Variants in TES observed in about 807,000 individuals in gnomAD.
TES encodes the protein testin.
A neutral mutation model predicts 48.2 loss-of-function variants in TES; 41 were observed. The observed-to-expected ratio is 0.85, with a 90% confidence interval of 0.66 to 1.10. The LOEUF is 1.10. TES is among the 50% of genes least tolerant of loss of function. The probability of loss-of-function intolerance (pLI) is 0.00; values close to 1 mark genes in which losing one functional copy is unlikely to be tolerated. For synonymous variants in TES, 162 were observed against 174.9 expected (o/e 0.93, Z 0.58); for missense variants, 463 against 515.1 (o/e 0.90, Z 0.98).
intron 1 of TES, among the ~76,000 whole-genome samples, chr7:116,212,406 G>T (rs191094043): frequency 6.6e-6 from 1 of 152,150 alleles, no homozygotes; most frequent in Non-Finnish European, 1.5e-5. Context: ...GTATGTTGGG[G>T]ATAATGATGT....
At chr7:116,255,029 C>A (rs1461178080) in intron 6 of TES, 1 of 150,208 alleles carries the variant, frequency 6.7e-6, no homozygotes, top group Non-Finnish European at 1.5e-5. Context: ...TATTTTTAGA[C>A]CTGAAATCAA....
chr7:116,221,522 A>T (rs1323739817), intron 1 of TES, among the ~76,000 whole-genome samples: 1 of 152,178 alleles, frequency 6.6e-6, no homozygotes, highest in Non-Finnish European at 1.5e-5. Context: ...ATGTGGTAGA[A>T]GTGGTGTGTG....
At chr7:116,245,227 G>A (rs373045456) in intron 2 of TES, among the ~76,000 whole-genome samples, 7 of 152,266 alleles carry the variant, frequency 4.6e-5, no homozygotes, top group African/African-American at 1.7e-4. Context: ...CGCATTGTCA[G>A]GCTGCAAATT....
At chr7:116,232,870 T>A (rs1000498050) in intron 1 of TES, among the ~76,000 whole-genome samples, 6 of 152,230 alleles carry the variant, frequency 3.9e-5, no homozygotes, top group African/African-American at 1.2e-4. Flanking sequence ...GTATACTTTA[T>A]ATGGTCTAAC....
At position 116,252,967 on chromosome 7, in the gene TES, GTATT is replaced by G. The variant is rs149232959; in HGVS notation, c.1077+494_1077+497del. 6.5e-3 allele frequency among the ~76,000 whole-genome samples: 982 copies of G among 152,234 alleles called. 13 individuals carry two copies. The highest frequency in any genetic ancestry group is 0.023 in the African/African-American group (950 of 41,554). On this transcript the variant is annotated intron_variant, in intron 6 of 6. Transcript: ENST00000358204. ...TTTAGCATAACAAAACTTGGCCTGC[GTATT>G]TAGATTTTTGTGTGGGCCAAACATT...
At chr7:116,225,346 T>G (rs1799609833) in intron 1 of TES, among the ~76,000 whole-genome samples, 1 of 152,080 alleles carries the variant, frequency 6.6e-6, no homozygotes, top group Non-Finnish European at 1.5e-5. Context: ...GAAATTGTCT[T>G]GATGACAATA....
intron 1 of TES, among the ~76,000 whole-genome samples, chr7:116,215,563 T>C (rs1275272025): frequency 6.6e-6 from 1 of 152,174 alleles, no homozygotes; most frequent in Non-Finnish European, 1.5e-5. Flanking sequence ...TAAACTCCAA[T>C]AATATTCTGT....
chr7:116,222,097 G>T (rs1337114586), intron 1 of TES, among the ~76,000 whole-genome samples: 3 of 152,000 alleles, frequency 2.0e-5, no homozygotes, highest in African/African-American at 7.2e-5. Context: ...CCAGAATAAG[G>T]GATGGTGTGA....
Position 116,257,567 on chromosome 7 carries a change from A to C in TES, c.*85A>C. Reference sequence around the variant, plus strand: ...TAAAATGCAATTTGAAAAAAATAAAACGCAAAAAAAGAAACTGTAAAGGAA... The same window carrying C: ...TAAAATGCAATTTGAAAAAAATAAACCGCAAAAAAAGAAACTGTAAAGGAA... On this transcript the variant is annotated 3_prime_UTR_variant, in exon 7 of 7. Transcript: ENST00000358204. The C allele has an allele frequency of 8.4e-7, 1 of 1,185,698 alleles. No individual in the cohort carries two copies. Among genetic ancestry groups the C allele is most frequent in the Non-Finnish European group, 1.1e-6 (1 of 914,786 alleles). 73.4% of individuals were successfully genotyped at this position (1,185,698 alleles called of 1,614,324 possible). A position where few individuals can be genotyped will look rare whatever the true frequency, so the allele number is the denominator to read the frequency against.
chr7:116,254,295 T>C (rs1800061784), intron 6 of TES, among the ~76,000 whole-genome samples: 1 of 150,468 alleles, frequency 6.6e-6, no homozygotes. Flanking sequence ...AATAAAAATT[T>C]ATTGAAACAG....
intron 2 of TES, among the ~76,000 whole-genome samples, chr7:116,236,739 C>T (rs1056802498): frequency 1.3e-5 from 2 of 152,122 alleles, no homozygotes; most frequent in African/African-American, 4.8e-5. Context: ...TCATTTTAAT[C>T]GATATTTTCA....
At chr7:116,229,033 T>TAAAA (rs1554436735) in intron 1 of TES, among the ~76,000 whole-genome samples, 2 of 115,494 alleles carry the variant, frequency 1.7e-5, no homozygotes, top group African/African-American at 6.8e-5. Flanking sequence ...TATATATATA[T>TAAAA]AATCATTTCC....
At position 116,212,353 on chromosome 7, in the gene TES, C is replaced by T. The variant is rs185251484; in HGVS notation, c.27+1619C>T. ...ATGTAATTATACATTAATCAAAATC[C>T]ATAGAATGTAGAACACCAAGAGTAA... is the stretch of plus-strand genomic sequence containing the variant. On this transcript the variant is annotated intron_variant, in intron 1 of 6. Coordinates refer to ENST00000358204, the MANE Select transcript of TES (RefSeq NM_015641.4). Among the ~76,000 whole-genome samples the T allele has an allele frequency of 5.0e-3, 757 of 152,146 alleles. 3 individuals carry two copies. The highest frequency in any genetic ancestry group is 7.8e-3 in the Non-Finnish European group (533 of 68,008).
chr7:116,255,031 T>C (rs1259087044), intron 6 of TES: 1 of 149,368 alleles, frequency 6.7e-6, no homozygotes, highest in Non-Finnish European at 1.5e-5. Flanking sequence ...TTTTTAGACC[T>C]GAAATCAAGT....
intron 1 of TES, among the ~76,000 whole-genome samples, chr7:116,224,167 C>T (rs1467028331): frequency 6.6e-6 from 1 of 152,150 alleles, no homozygotes; most frequent in African/African-American, 2.4e-5. Flanking sequence ...TGGGTCTCTC[C>T]CTAGTCGATC....
intron 2 of TES, among the ~76,000 whole-genome samples, chr7:116,236,130 T>G (rs545860468): frequency 1.3e-5 from 2 of 152,248 alleles, no homozygotes; most frequent in Admixed American, 1.3e-4. Context: ...CACAAAATAG[T>G]TTTCATGAAT....
intron 1 of TES, among the ~76,000 whole-genome samples, chr7:116,221,416 G>T (rs1236788557): frequency 6.6e-6 from 1 of 152,078 alleles, no homozygotes; most frequent in Non-Finnish European, 1.5e-5. Context: ...TTACAGAAAT[G>T]GTTACTATTC....
chr7:116,242,141 T>G (rs951680064), intron 2 of TES, among the ~76,000 whole-genome samples: 1 of 152,210 alleles, frequency 6.6e-6, no homozygotes, highest in African/African-American at 2.4e-5. Flanking sequence ...GATACCACTT[T>G]GCTAATTATT....
chr7:116,240,555 CA>C (rs1799832516), intron 2 of TES, among the ~76,000 whole-genome samples: 3 of 151,910 alleles, frequency 2.0e-5, no homozygotes, highest in Non-Finnish European at 4.4e-5. Flanking sequence ...TCTTTTTGTA[CA>C]AACAACTTTT....
Sources: allele counts gnomAD v4.1 joint callset (sites outside exome capture counted in the v4.1 genomes callset), GRCh38; gene constraint gnomAD v4.1.1; transcripts MANE v1.5; gene names NCBI Gene and HGNC (gene_info 2026-07-23, HGNC 2026-07-21).